SUN3: variants seen among roughly 807,000 people sequenced by gnomAD.
SUN3 encodes SUN domain-containing protein 3.
Under a neutral mutation model 48.2 loss-of-function variants are expected in SUN3, and 36 were observed. The ratio of observed to expected loss-of-function variants is 0.75; its 90% confidence interval spans 0.57 to 0.99. SUN3 has a LOEUF of 0.99. Ranked by LOEUF, SUN3 falls within the 50% of genes least tolerant of loss-of-function variation. SUN3 has a pLI of 0.00. For missense variants in SUN3, 419 were observed against 433.1 expected (o/e 0.97, Z 0.29); for synonymous variants, 148 against 147.9 (o/e 1.00, Z 0.00).
chr7:48,022,997 G>C (rs1014361249), intron 2 of SUN3, among the ~76,000 whole-genome samples: 2 of 152,072 alleles, frequency 1.3e-5, no homozygotes, highest in African/African-American at 4.8e-5. Flanking sequence ...AGCCCTTCAG[G>C]AAGTGCTAAA....
In SUN3 at chr7:47,994,354, T is replaced by G; in HGVS notation, c.822A>C (p.Ser274=). 3 of 1,613,684 alleles carry G rather than the reference T, an allele frequency of 1.9e-6. No homozygotes were observed. The highest frequency in any genetic ancestry group is 2.5e-6 in the Non-Finnish European group (3 of 1,179,882). The change falls in exon 8 of 10, where the codon TCA becomes TCC. Residue 274 remains serine (S), a synonymous_variant. Transcript: ENST00000297325. ...MEHISEKVSP[S]GNISSAPKEF... is the part of the protein sequence containing the mutation. Reference sequence around the variant, plus strand: ...CCTTGGGTGCACTGGAGATGTTTCCTGACGGAGACACCTTCTCTGAGATGT... The same window carrying G: ...CCTTGGGTGCACTGGAGATGTTTCCGGACGGAGACACCTTCTCTGAGATGT...
At chr7:48,023,428 G>A (rs868543853) in intron 2 of SUN3, among the ~76,000 whole-genome samples, 8 of 151,874 alleles carry the variant, frequency 5.3e-5, no homozygotes, top group South Asian at 2.1e-4. Flanking sequence ...TCTAAAAAAC[G>A]TATACAAAAT....
intron 3 of SUN3, among the ~76,000 whole-genome samples, chr7:48,016,990 A>T (rs952196054): frequency 9.9e-5 from 15 of 152,264 alleles, no homozygotes; most frequent in African/African-American, 3.6e-4. Flanking sequence ...ATCCCACTCC[A>T]ATGATAATGG....
chr7:47,998,192 T>C (rs1789263877), intron 6 of SUN3, among the ~76,000 whole-genome samples: 1 of 152,220 alleles, frequency 6.6e-6, no homozygotes. Flanking sequence ...TCACCCACAG[T>C]GTATGAGAGG....
chr7:48,016,087 T>A (rs1472057610), intron 3 of SUN3, among the ~76,000 whole-genome samples: 2 of 152,168 alleles, frequency 1.3e-5, no homozygotes, highest in Non-Finnish European at 2.9e-5. Flanking sequence ...GTGCTTGAGA[T>A]GTTTTGCAGA....
chr7:48,022,458 G>T (rs1239306397), intron 2 of SUN3, among the ~76,000 whole-genome samples: 1 of 151,966 alleles, frequency 6.6e-6, no homozygotes, highest in African/African-American at 2.4e-5. Flanking sequence ...ATGCTTGAGG[G>T]GATGGATACC....
intron 2 of SUN3, among the ~76,000 whole-genome samples, chr7:48,019,661 G>T (rs2128781735): frequency 6.6e-6 from 1 of 152,120 alleles, no homozygotes; most frequent in African/African-American, 2.4e-5. Context: ...ACAACTGTAT[G>T]CCAATAAATT....
chr7:47,994,973 A>G (rs1162315757), intron 7 of SUN3, among the ~76,000 whole-genome samples: 1 of 152,008 alleles, frequency 6.6e-6, no homozygotes, highest in Non-Finnish European at 1.5e-5. Context: ...AGTGATGGTG[A>G]TAATTGAAGT....
At position 47,994,353 on chromosome 7, in the gene SUN3, C is replaced by G; in HGVS notation, c.823G>C (p.Gly275Arg). The G allele has an allele frequency of 6.2e-7, 1 of 1,613,382 alleles. No individual in the cohort carries two copies. Among genetic ancestry groups the G allele is most frequent in the Non-Finnish European group, 8.5e-7 (1 of 1,179,774 alleles). Residue 275 changes from glycine to arginine, a missense_variant, in exon 8 of 10, where the codon GGA (glycine) becomes CGA (arginine). Transcript: ENST00000297325. ...TCCTTGGGTGCACTGGAGATGTTTC[C>G]TGACGGAGACACCTTCTCTGAGATG... The part of the protein sequence containing the change: ...EHISEKVSPS[G>R]NISSAPKEFS...
intron 2 of SUN3, among the ~76,000 whole-genome samples, chr7:48,022,688 A>G (rs1300261942): frequency 6.6e-6 from 1 of 152,120 alleles, no homozygotes; most frequent in Non-Finnish European, 1.5e-5. Flanking sequence ...CAAGTAAGAC[A>G]AACTTAAAAA....
At chr7:48,014,393 C>T (rs1311710549) in intron 3 of SUN3, among the ~76,000 whole-genome samples, 4 of 152,134 alleles carry the variant, frequency 2.6e-5, no homozygotes, top group Admixed American at 2.0e-4. Flanking sequence ...CCTCCATTTA[C>T]CTGGGGACTC....
intron 5 of SUN3, among the ~76,000 whole-genome samples, chr7:48,006,851 T>G (rs1789538016): frequency 6.6e-6 from 1 of 152,266 alleles, no homozygotes. Context: ...GCAAATCTTT[T>G]GCTATTTAAG....
chr7:48,007,200 G>C lies in SUN3; in HGVS notation c.457C>G (p.His153Asp). The C allele has an allele frequency of 1.2e-6, 2 of 1,613,736 alleles. No individual in the cohort carries two copies. The highest frequency in any genetic ancestry group is 4.5e-5 in the East Asian group (2 of 44,852). ...GMDNNHNWNT[H>D]GDPVEDPDHT... Reference sequence around the variant, plus strand: ...TCCGGGTCCTCCACAGGGTCTCCATGGGTGTTCCAGTTGTGATTATTGTCC... The same window carrying C: ...TCCGGGTCCTCCACAGGGTCTCCATCGGTGTTCCAGTTGTGATTATTGTCC... Residue 153 changes from histidine to aspartate, a missense_variant, in exon 5 of 10, where the codon CAT becomes GAT. Transcript: ENST00000297325.
the SUN3 span, chr7:48,035,524 C>G: frequency 1.4e-6 from 1 of 697,604 alleles, no homozygotes; most frequent in South Asian, 1.5e-5. The surrounding 1 kb of genome is among the most constrained non-coding windows in gnomAD (Gnocchi z 4.0). Context: ...GTTGTGGTTC[C>G]GCGGCGCGCT....
chr7:48,033,396 T>TA (rs5884034), upstream of SUN3, among the ~76,000 whole-genome samples: 70,843 of 151,068 alleles, frequency 0.47, 17,301 homozygotes, highest in African/African-American at 0.61. Context: ...CCATTGTCTC[T>TA]AAAAAAAATT....
At chr7:48,020,848 C>T (rs1348499697) in intron 2 of SUN3, among the ~76,000 whole-genome samples, 1 of 152,230 alleles carries the variant, frequency 6.6e-6, no homozygotes, top group East Asian at 1.9e-4. Context: ...AATGTCCATA[C>T]TACCCAAAGC....
At chr7:48,000,434 G>A (rs547475167) in intron 6 of SUN3, among the ~76,000 whole-genome samples, 1 of 152,270 alleles carries the variant, frequency 6.6e-6, no homozygotes, top group East Asian at 1.9e-4. Context: ...CCACTGTGCC[G>A]GGCCACCTCA....
the SUN3 span, among the ~76,000 whole-genome samples, chr7:48,035,822 T>C: frequency 6.6e-6 from 1 of 152,166 alleles, no homozygotes; most frequent in Non-Finnish European, 1.5e-5. This position sits in a 1 kb window ranked among gnomAD's most constrained non-coding sequence, Gnocchi z 4.0. Context: ...TGGTTACCTG[T>C]TGCTTATCCT....
rs148816448 is a variant in SUN3 at position 47,990,355 on chromosome 7, A to C, written c.862-1475T>G. 4.4e-3 allele frequency among the ~76,000 whole-genome samples: 676 copies of C among 152,046 alleles called. 5 individuals are homozygous for C. The highest frequency in any genetic ancestry group is 0.016 in the African/African-American group (643 of 41,468). ...ACAGCACTTTTTTCTTTACCTTATGATGCAGAGACATTTGTTCACATGTTT... is the reference window on the plus strand; with the variant it reads ...ACAGCACTTTTTTCTTTACCTTATGCTGCAGAGACATTTGTTCACATGTTT... On this transcript the variant is annotated intron_variant, in intron 8 of 9. Transcript: ENST00000297325.
Sources: gnomAD v4.1 joint callset for allele counts (sites outside exome capture counted in the v4.1 genomes callset) on GRCh38, gnomAD v4.1.1 for gene constraint, Gnocchi (gnomAD v3.1) non-coding constraint, MANE v1.5 for transcripts, NCBI Gene and HGNC (gene_info 2026-07-23, HGNC 2026-07-21) for gene names.